TNR: variants seen among roughly 807,000 people sequenced by gnomAD.
The protein encoded by TNR is tenascin-R.
TNR carries 45 observed loss-of-function variants against 150.4 expected under a neutral mutation model. That is an observed-to-expected ratio of 0.30 (90% CI 0.24 to 0.38). The LOEUF (loss-of-function observed/expected upper bound fraction) is 0.38. Among genes scored for constraint, TNR ranks in the 10% least tolerant of loss-of-function variants. The pLI is 1.00. For synonymous variants in TNR, 687 were observed against 678.4 expected (o/e 1.01, Z -0.20); for missense variants, 1,544 against 1,759.1 (o/e 0.88, Z 2.19).
At chr1:175,736,028 C>A (rs932200121) in intron 1 of TNR, among the ~76,000 whole-genome samples, 1 of 152,198 alleles carries the variant, frequency 6.6e-6, no homozygotes, top group Admixed American at 6.5e-5. Flanking sequence ...CCCATTAGCA[C>A]TTGAGGAGCA....
At chr1:175,740,836 G>A (rs945748039) in intron 1 of TNR, among the ~76,000 whole-genome samples, 1 of 152,160 alleles carries the variant, frequency 6.6e-6, no homozygotes, top group African/African-American at 2.4e-5. Flanking sequence ...CGTTCTTAGA[G>A]AGAACAGTCA....
intron 9 of TNR, among the ~76,000 whole-genome samples, chr1:175,377,459 GTTT>G (rs60693271): frequency 8.3e-4 from 101 of 121,116 alleles, no homozygotes; most frequent in African/African-American, 1.4e-3. Flanking sequence ...TCATTTCAGG[GTTT>G]TTTTTTTTTT....
chr1:175,692,581 G>A (rs1484023227), intron 1 of TNR, among the ~76,000 whole-genome samples: 1 of 152,136 alleles, frequency 6.6e-6, no homozygotes, highest in East Asian at 1.9e-4. Flanking sequence ...ACGTACAGTT[G>A]AGAGAACACC....
At chr1:175,470,466 C>A (rs1431803992) in intron 2 of TNR, among the ~76,000 whole-genome samples, 1 of 152,098 alleles carries the variant, frequency 6.6e-6, no homozygotes, top group African/African-American at 2.4e-5. Flanking sequence ...CATGGTATTT[C>A]CAGCCCTCCC....
chr1:175,644,111 G>A (rs1043676384), intron 1 of TNR, among the ~76,000 whole-genome samples: 1 of 152,214 alleles, frequency 6.6e-6, no homozygotes, highest in Non-Finnish European at 1.5e-5. Flanking sequence ...TAGTATGCAT[G>A]TGATGAGAGA....
intron 15 of TNR, 119 bp from the exon 16 acceptor site, chr1:175,356,581 T>A (rs1246036188): frequency 8.5e-7 from 1 of 1,173,970 alleles, no homozygotes; most frequent in African/African-American, 1.5e-5. Context: ...AAAAAATCTT[T>A]CATAGGTTAT....
chr1:175,425,309 G>A (rs925315949), intron 2 of TNR, among the ~76,000 whole-genome samples: 10 of 152,124 alleles, frequency 6.6e-5, no homozygotes, highest in Admixed American at 3.3e-4. Context: ...CTGAGCTTCT[G>A]TTTTCTCATC....
chr1:175,372,662 G>T (rs1249908815), intron 9 of TNR, among the ~76,000 whole-genome samples: 5 of 152,242 alleles, frequency 3.3e-5, no homozygotes, highest in Non-Finnish European at 7.3e-5. Flanking sequence ...GTCGCTAGCA[G>T]GGAAAGTGGT....
chr1:175,671,964 A>T (rs769125831), intron 1 of TNR, among the ~76,000 whole-genome samples: 4 of 135,640 alleles, frequency 2.9e-5, no homozygotes, highest in Non-Finnish European at 4.8e-5. Context: ...AGAGGGGGAA[A>T]GGAATACCAA....
At chr1:175,500,190 GT>G (rs970592723) in intron 2 of TNR, among the ~76,000 whole-genome samples, 5 of 152,240 alleles carry the variant, frequency 3.3e-5, no homozygotes, top group Non-Finnish European at 4.4e-5. Flanking sequence ...TTCCAGGAGG[GT>G]TTTTTTAAGG....
chr1:175,547,408 G>T (rs142801779), intron 1 of TNR, among the ~76,000 whole-genome samples: 36 of 152,198 alleles, frequency 2.4e-4, no homozygotes, highest in Admixed American at 6.5e-4. Context: ...TTAATTGCTA[G>T]CCCAGTCTGC....
At chr1:175,499,311 T>G (rs1473964304) in intron 2 of TNR, among the ~76,000 whole-genome samples, 1 of 152,164 alleles carries the variant, frequency 6.6e-6, no homozygotes, top group Non-Finnish European at 1.5e-5. Context: ...ATTGACATGT[T>G]TGAGTATTTA....
At chr1:175,434,286 T>A (rs1655398758) in intron 2 of TNR, among the ~76,000 whole-genome samples, 1 of 152,174 alleles carries the variant, frequency 6.6e-6, no homozygotes, top group African/African-American at 2.4e-5. Flanking sequence ...GGGTGTCGAC[T>A]GTCCCTGGGA....
intron 18 of TNR, among the ~76,000 whole-genome samples, chr1:175,350,759 C>T (rs1039503045): frequency 1.3e-5 from 2 of 152,128 alleles, no homozygotes; most frequent in Non-Finnish European, 2.9e-5. Flanking sequence ...TTTATTATTA[C>T]TTTTTGACAT....
chr1:175,501,516 C>T (rs1658736577), intron 2 of TNR, among the ~76,000 whole-genome samples: 1 of 152,214 alleles, frequency 6.6e-6, no homozygotes, highest in South Asian at 2.1e-4. Flanking sequence ...GAGGCCTGGG[C>T]AGAGGACCCA....
intron 2 of TNR, among the ~76,000 whole-genome samples, chr1:175,446,022 T>C (rs1196007741): frequency 1.3e-5 from 2 of 152,234 alleles, no homozygotes; most frequent in Non-Finnish European, 1.5e-5. Flanking sequence ...GACTGTGGTT[T>C]GGTTATTGAT....
At chr1:175,372,966 ATT>A (rs1652173470) in intron 9 of TNR, among the ~76,000 whole-genome samples, 2 of 152,038 alleles carry the variant, frequency 1.3e-5, no homozygotes, top group South Asian at 4.2e-4. Flanking sequence ...TTTTATAGTG[ATT>A]ATGTTATTAT....
chr1:175,731,281 G>A (rs541451380), intron 1 of TNR, among the ~76,000 whole-genome samples: 54 of 152,258 alleles, frequency 3.5e-4, no homozygotes, highest in African/African-American at 1.2e-3. Flanking sequence ...GTATGGTTGC[G>A]ATCTCAATTC....
chr1:175,368,863 C>T (rs1209527634), intron 9 of TNR, among the ~76,000 whole-genome samples: 2 of 152,116 alleles, frequency 1.3e-5, no homozygotes, highest in Admixed American at 6.5e-5. Flanking sequence ...GCAGGAGAAT[C>T]GCTTGAACCT....
Sources: gnomAD v4.1 joint callset for allele counts (sites outside exome capture counted in the v4.1 genomes callset) on GRCh38, gnomAD v4.1.1 for gene constraint, MANE v1.5 for transcripts, NCBI Gene and HGNC (gene_info 2026-07-23, HGNC 2026-07-21) for gene names.